ADCY9: variants seen among roughly 807,000 people sequenced by gnomAD.
ADCY9 encodes the protein adenylate cyclase 9.
In ADCY9, 50 loss-of-function variants were observed where a neutral mutation model predicts 101.5. The observed-to-expected ratio is 0.49, with a 90% CI of 0.39 to 0.62. ADCY9 has a LOEUF of 0.62. Ranked by LOEUF, ADCY9 falls within the 20% of genes least tolerant of loss-of-function variation. ADCY9 has a pLI of 0.00. For missense variants in ADCY9, 1,662 were observed against 1,800.4 expected, an observed-to-expected ratio of 0.92 and a Z score of 1.39; for synonymous variants, 905 against 769.3, an observed-to-expected ratio of 1.18 and a Z score of -2.92.
chr16:4,040,557 T>C (rs746575575), intron 2 of ADCY9, among the ~76,000 whole-genome samples: 5 of 151,850 alleles, frequency 3.3e-5, no homozygotes, highest in Non-Finnish European at 7.4e-5. Flanking sequence ...CCTGGGTTCA[T>C]GCGATCCTCC....
intron 3 of ADCY9, among the ~76,000 whole-genome samples, chr16:3,999,541 G>C (rs190063983): frequency 6.8e-4 from 103 of 152,018 alleles, no homozygotes; most frequent in African/African-American, 2.3e-3. Flanking sequence ...AGAGTGACCT[G>C]AGCAGCTATG....
chr16:3,987,890 G>A lies in ADCY9; in HGVS notation c.2310+1104C>T, dbSNP rs79815766. 1.1e-4 allele frequency among the ~76,000 whole-genome samples: 16 copies of A among 152,290 alleles called. No homozygotes were observed. In the East Asian group the frequency reaches 2.9e-3, roughly 28 times the overall value. ...CCAGAGGAGAGAATGCAGTCTGGAA[G>A]CCGCCAGGATTCAAACCAGGCTCTA... is the stretch of plus-strand genomic sequence containing the variant. On this transcript the variant is annotated intron_variant, in intron 6 of 10. Transcript: ENST00000294016.
intron 3 of ADCY9, among the ~76,000 whole-genome samples, chr16:4,003,138 G>A (rs1481000019): frequency 1.3e-5 from 2 of 152,180 alleles, no homozygotes; most frequent in Non-Finnish European, 2.9e-5. Context: ...CTGGAGCGCT[G>A]ACGTCACATT....
In ADCY9 at chr16:4,097,487, T is replaced by TACACACAC. The variant is rs71139606; in HGVS notation, c.1693+16255_1693+16262dup. On this transcript the variant is annotated intron_variant, in intron 2 of 10. Coordinates refer to ENST00000294016, the MANE Select transcript of ADCY9 (RefSeq NM_001116.4). ...ATATATATATATATATATATATATA[T>TACACACAC]ACACACACACACACTATATATATGT... Among the ~76,000 whole-genome samples the TACACACAC allele has an allele frequency of 3.9e-3, 282 of 72,232 alleles. 3 individuals are homozygous for TACACACAC. Among genetic ancestry groups the TACACACAC allele is most frequent in the South Asian group, 0.015 (31 of 2,128 alleles). The allele number at this position is 72,232 out of a possible 152,430, so 47.4% of individuals were successfully genotyped here. A position where few individuals can be genotyped will look rare whatever the true frequency, so the allele number is the denominator to read the frequency against.
chr16:4,112,379 A>G (rs1468832470), intron 2 of ADCY9, among the ~76,000 whole-genome samples: 1 of 152,226 alleles, frequency 6.6e-6, no homozygotes, highest in Non-Finnish European at 1.5e-5. Flanking sequence ...AAGTTAGTAA[A>G]ATAAAGAAAA....
Position 4,053,471 on chromosome 16 carries a change from C to T in ADCY9, c.1694-45913G>A, listed in dbSNP as rs78226383. 9.9e-3 allele frequency among the ~76,000 whole-genome samples: 1,508 copies of T among 152,236 alleles called. 28 individuals carry two copies. Among genetic ancestry groups the T allele is most frequent in the African/African-American group, 0.034 (1,398 of 41,522 alleles). On this transcript the variant is annotated intron_variant, in intron 2 of 10. Transcript: ENST00000294016. ...TTGGCAGTGTCCCCAGAGCACTTGC[C>T]CTTCCTCTGGAGCGCTTCACGTGCG...
chr16:4,097,487 T>TATATACACACACACACACAC (rs76750792), intron 2 of ADCY9, among the ~76,000 whole-genome samples: 3 of 72,510 alleles, frequency 4.1e-5, no homozygotes, highest in South Asian at 4.7e-4. Flanking sequence ...TATATATATA[T>TATATACACACACACACACAC]ACACACACAC....
chr16:4,031,354 TAC>T (rs1386514124), intron 2 of ADCY9, among the ~76,000 whole-genome samples: 1 of 152,152 alleles, frequency 6.6e-6, no homozygotes, highest in Non-Finnish European at 1.5e-5. Context: ...CAAATATAGA[TAC>T]ACACACATAC....
chr16:4,087,603 T>C (rs949262506), intron 2 of ADCY9, among the ~76,000 whole-genome samples: 1 of 150,990 alleles, frequency 6.6e-6, no homozygotes, highest in Admixed American at 6.6e-5. Flanking sequence ...GAGTTTACTC[T>C]GCACAGTTCA....
At chr16:3,959,670 G>C (rs1308253582), downstream of ADCY9, among the ~76,000 whole-genome samples, 1 of 152,140 alleles carries the variant, frequency 6.6e-6, no homozygotes, top group South Asian at 2.1e-4. Context: ...TTTTTAAGCA[G>C]CTCTTCAAAT....
At chr16:4,066,216 T>C (rs552714075) in intron 2 of ADCY9, among the ~76,000 whole-genome samples, 2 of 152,342 alleles carry the variant, frequency 1.3e-5, no homozygotes, top group South Asian at 2.1e-4. Flanking sequence ...CATATAATCG[T>C]GAAGTTTTAA....
intron 2 of ADCY9, among the ~76,000 whole-genome samples, chr16:4,033,432 ATTTT>A (rs71133683): frequency 1.2e-4 from 15 of 125,898 alleles, no homozygotes; most frequent in Non-Finnish European, 1.2e-4. Flanking sequence ...CCTTGAAGTA[ATTTT>A]TTTTTTTTTT....
intron 2 of ADCY9, among the ~76,000 whole-genome samples, chr16:4,113,174 A>T (rs536674259): frequency 0.035 from 5,212 of 147,280 alleles, 108 homozygotes; most frequent in Non-Finnish European, 0.042. Context: ...ACTTTTTTTA[A>T]AAAAAAAAAA....
chr16:4,078,116 C>T (rs1274624614), intron 2 of ADCY9, among the ~76,000 whole-genome samples: 1 of 152,106 alleles, frequency 6.6e-6, no homozygotes, highest in Non-Finnish European at 1.5e-5. Context: ...ATCATACAAC[C>T]CAGTCACTCC....
At chr16:4,076,906 G>A (rs111337134) in intron 2 of ADCY9, among the ~76,000 whole-genome samples, 12 of 151,960 alleles carry the variant, frequency 7.9e-5, no homozygotes, top group South Asian at 6.2e-4. Context: ...GTGAAACCCC[G>A]TCTCTACTAA....
chr16:3,970,517 A>G (rs2056041556), intron 10 of ADCY9, among the ~76,000 whole-genome samples: 1 of 152,032 alleles, frequency 6.6e-6, no homozygotes, highest in Non-Finnish European at 1.5e-5. Context: ...TAGTAGAGAC[A>G]GGGTTTCACC....
At chr16:3,983,666 C>T (rs559344466) in intron 6 of ADCY9, 15 of 558,290 alleles carry the variant, frequency 2.7e-5, no homozygotes, top group South Asian at 1.4e-4. Flanking sequence ...CGGTGGCTCA[C>T]GCCTGTAATC....
chr16:3,969,569 A>AAAATATAT (rs2056029345), intron 10 of ADCY9, among the ~76,000 whole-genome samples: 1 of 45,240 alleles, frequency 2.2e-5, no homozygotes, highest in South Asian at 6.7e-4. Flanking sequence ...GTTTGTTTGA[A>AAAATATAT]ATATATATAT....
In ADCY9 at chr16:3,989,077, A is replaced by G. The variant is rs1389621551; in HGVS notation, c.2227T>C (p.Phe743Leu). The G allele has an allele frequency of 1.1e-5, 17 of 1,613,910 alleles. No homozygotes were observed. The highest frequency in any genetic ancestry group is 1.3e-5 in the African/African-American group (1 of 74,920). ...CTGAACTGATTAATGGGCGGCTTAA[A>G]AAAGTAATCTTTCATCAGGCTAGAA... is the stretch of plus-strand genomic sequence containing the variant. ...KEDSLMKDYF[F>L]KPPINQFSLN... Residue 743 changes from phenylalanine to leucine, a missense_variant, in exon 6 of 11, where the codon TTT becomes CTT. Physicochemically the swap from Phe to Leu is conservative, Grantham distance 22. Transcript: ENST00000294016.
Sources: gnomAD v4.1 joint callset for allele counts (sites outside exome capture counted in the v4.1 genomes callset) on GRCh38, gnomAD v4.1.1 for gene constraint, MANE v1.5 for transcripts, NCBI Gene and HGNC (gene_info 2026-07-23, HGNC 2026-07-21) for gene names.